The following PNCK variants were observed in gnomAD, a reference collection of about 807,000 sequenced individuals.
The protein encoded by PNCK is calcium/calmodulin-dependent protein kinase type 1B.
PNCK carries 21 observed loss-of-function variants against 28.3 expected under a neutral mutation model. The ratio of observed to expected loss-of-function variants is 0.74; its 90% CI spans 0.53 to 1.07. PNCK has a LOEUF of 1.07. PNCK is among the 50% of genes least tolerant of loss of function. The pLI is 0.00. For missense variants in PNCK, 250 were observed against 298.3 expected (o/e 0.84, Z 1.19); for synonymous variants, 136 against 125.2 (o/e 1.09, Z -0.58).
At chrX:153,672,756 G>C (rs1557040447) in intron 2 of PNCK, 59 bp from the exon 3 acceptor site, 2 of 1,141,542 alleles carry the variant, frequency 1.8e-6, no homozygotes, top group African/African-American at 3.6e-5. Context: ...AGAGGCAGGA[G>C]GGAGAGAGAG....
intron 1 of PNCK, 38 bp from the exon 2 acceptor site, chrX:153,673,116 C>G (rs782149348): frequency 8.6e-7 from 1 of 1,163,686 alleles, no homozygotes; most frequent in African/African-American, 1.8e-5. Flanking sequence ...GGTCTCTCCC[C>G]GCCCCGCCGG....
In PNCK at chrX:153,670,938, T is replaced by A. The variant is rs56060609; in HGVS notation, c.786A>T (p.Gln262His). 26 of 1,210,914 alleles carry A rather than the reference T, an allele frequency of 2.1e-5. 2 individuals are homozygous for A. The highest frequency in any genetic ancestry group is 4.3e-5 in the Admixed American group (2 of 45,984). Residue 262 changes from glutamine (Q) to histidine (H), a missense_variant, in exon 9 of 12, where the codon CAA becomes CAT. Gln to His is a conservative substitution (Grantham distance 24, BLOSUM62 0). Coordinates refer to ENST00000340888, the MANE Select transcript of PNCK (RefSeq NM_001366977.1). ...ERDPQKRFTC[Q>H]QALRHLWISG... ...CTCACCAAAGGTGCCGCAAGGCCTG[T>A]TGGCAGGTGAACCTCTTCTGGGGGT...
Position 153,672,011 on chromosome X carries a change from C to T in PNCK, c.283G>A (p.Gly95Ser). The part of the protein sequence containing the change: ...HLYLAMELVT[G>S]GELFDRIMER... ...ATGATGCGGTCAAACAGCTCGCCAC[C>T]CGTCACCCTGGGGGTGCCAGGGGTT... is the stretch of plus-strand genomic sequence containing the variant. Residue 95 changes from glycine to serine, a missense_variant, in exon 5 of 12, where the codon GGT becomes AGT. Physicochemically the swap from Gly to Ser is moderately conservative, Grantham distance 56 (BLOSUM62 0). Transcript: ENST00000340888. The T allele has an allele frequency of 1.7e-6, 2 of 1,210,680 alleles. No individual in the cohort carries two copies. The highest frequency in any genetic ancestry group is 2.4e-4 in the Middle Eastern group (1 of 4,095).
chrX:153,677,691 A>G (rs782793777), upstream of PNCK, among the ~76,000 whole-genome samples: 86 of 97,246 alleles, frequency 8.8e-4, no homozygotes, highest in African/African-American at 3.3e-3. Context: ...TATATAGTGT[A>G]TATATAGTGT....
upstream of PNCK, among the ~76,000 whole-genome samples, chrX:153,679,906 G>T (rs1214755624): frequency 9.1e-6 from 1 of 110,114 alleles, no homozygotes; most frequent in African/African-American, 3.3e-5. Context: ...TTACAAATTA[G>T]CCGGGTGTGG....
upstream of PNCK, among the ~76,000 whole-genome samples, chrX:153,677,818 ATATATAGTG>A (rs1380011865): frequency 9.5e-6 from 1 of 105,513 alleles, no homozygotes; most frequent in Non-Finnish European, 1.9e-5. Flanking sequence ...GTGTATGTAT[ATATATAGTG>A]TATATAGTGT....
chrX:153,684,555 G>A (rs782605583), intron 1 of PNCK, among the ~76,000 whole-genome samples: 1 of 107,698 alleles, frequency 9.3e-6, no homozygotes, highest in Non-Finnish European at 1.9e-5. Context: ...GAAGTACAAA[G>A]CCCTTCCAGG....
upstream of PNCK, among the ~76,000 whole-genome samples, chrX:153,677,444 G>A (rs2091371393): frequency 9.1e-6 from 1 of 109,554 alleles, no homozygotes; most frequent in African/African-American, 3.3e-5. Flanking sequence ...CTGGGCGCTA[G>A]GTGTGCCCAT....
upstream of PNCK, chrX:153,673,901 C>T: frequency 1.1e-6 from 1 of 923,820 alleles, no homozygotes; most frequent in Non-Finnish European, 1.3e-6. Context: ...ACGCAGTGGC[C>T]CAGCGCGGCC....
intron 1 of PNCK, among the ~76,000 whole-genome samples, chrX:153,685,043 C>G (rs1557042967): frequency 9.9e-6 from 1 of 100,597 alleles, no homozygotes. Context: ...GGGCACAGGT[C>G]GCAGGGCACC....
Position 153,680,562 on chromosome X carries a change from T to C in PNCK, c.-3+6869A>G, listed in dbSNP as rs1185909826. On this transcript the variant is annotated intron_variant, in intron 1 of 3. Transcript: ENST00000419804. Reference sequence around the variant, plus strand: ...TACCCAGCCTCAGATTTTTTTTTTATAGCAATGCAAGAACGGGCTCACATA... The same window carrying C: ...TACCCAGCCTCAGATTTTTTTTTTACAGCAATGCAAGAACGGGCTCACATA... Among the ~76,000 whole-genome samples the C allele has an allele frequency of 3.6e-5, 4 of 110,127 alleles. No individual in the cohort carries two copies. In the South Asian group the frequency reaches 1.1e-3, roughly 32 times the overall value.
upstream of PNCK, among the ~76,000 whole-genome samples, chrX:153,678,477 A>G (rs190244795): frequency 4.1e-3 from 454 of 111,637 alleles, 5 homozygotes; most frequent in African/African-American, 0.013. Flanking sequence ...AAAAATTAAA[A>G]TTAAAGTGAG....
At chrX:153,670,221 T>G in intron 11 of PNCK, 91 bp from the exon 12 acceptor site, 2 of 448,441 alleles carry the variant, frequency 4.5e-6, no homozygotes, top group Non-Finnish European at 7.5e-6. Flanking sequence ...AATCCCGGAC[T>G]TCTTAGAGGC....
upstream of PNCK, among the ~76,000 whole-genome samples, chrX:153,675,516 T>G (rs868983665): frequency 4.5e-4 from 45 of 99,526 alleles, no homozygotes; most frequent in Non-Finnish European, 8.0e-4. Flanking sequence ...TATCATGGGG[T>G]TTTTTTTGGT....
At chrX:153,674,092 A>G, upstream of PNCK, 1 of 1,210,258 alleles carries the variant, frequency 8.3e-7, no homozygotes, top group Non-Finnish European at 1.1e-6. Flanking sequence ...ACAGGTCGGC[A>G]AGGCTCTCTG....
intron 11 of PNCK, 89 bp from the exon 12 acceptor site, chrX:153,670,219 A>C: frequency 2.1e-5 from 9 of 437,355 alleles, no homozygotes; most frequent in Non-Finnish European, 3.1e-5. Context: ...CAAATCCCGG[A>C]CTTCTTAGAG....
At chrX:153,673,498 C>T in intron 1 of PNCK, 1 of 428,342 alleles carries the variant, frequency 2.3e-6, no homozygotes, top group Non-Finnish European at 3.7e-6. Context: ...CCCAAGCCAC[C>T]AAGCCGCCCG....
chrX:153,677,689 G>GTGTATA (rs1569538970), upstream of PNCK, among the ~76,000 whole-genome samples: 13 of 80,818 alleles, frequency 1.6e-4, no homozygotes, highest in African/African-American at 6.5e-4. Context: ...TATATATAGT[G>GTGTATA]TATATATAGT....
At position 153,671,862 on chromosome X, in the gene PNCK, G is replaced by C. The variant is rs375203058; in HGVS notation, c.414+18C>G. The C allele has an allele frequency of 6.6e-5, 79 of 1,203,585 alleles. No individual in the cohort carries two copies. The highest frequency in any genetic ancestry group is 8.0e-5 in the Non-Finnish European group (71 of 892,307). ...TGGGCAGGTGGGAGGGTGGGGTGCAGAGGCCCCAGCCAGGCACCTTGAGGT... is the reference window on the plus strand; with the variant it reads ...TGGGCAGGTGGGAGGGTGGGGTGCACAGGCCCCAGCCAGGCACCTTGAGGT... On this transcript the variant is annotated intron_variant, in intron 5 of 11. Transcript: ENST00000340888.
Sources: gnomAD v4.1 joint callset for allele counts (sites outside exome capture counted in the v4.1 genomes callset) on GRCh38, gnomAD v4.1.1 for gene constraint, MANE v1.5 for transcripts, NCBI Gene and HGNC (gene_info 2026-07-23, HGNC 2026-07-21) for gene names.